The following CPNE8 variants were observed in gnomAD, a reference collection of about 807,000 sequenced individuals.
CPNE8 encodes copine 8.
In CPNE8, 45 loss-of-function variants were observed where a neutral mutation model predicts 81.5. The ratio of observed to expected loss-of-function variants is 0.55; its 90% CI spans 0.44 to 0.71. The LOEUF (loss-of-function observed/expected upper bound fraction) is 0.71. Among genes scored for constraint, CPNE8 ranks in the 30% least tolerant of loss-of-function variants. CPNE8 has a pLI of 0.00. For missense variants in CPNE8, 594 were observed against 672.1 expected (o/e 0.88, Z 1.28); for synonymous variants, 252 against 226.3 (o/e 1.11, Z -1.02).
chr12:38,787,146 A>G (rs991675420), intron 6 of CPNE8, among the ~76,000 whole-genome samples: 1 of 152,172 alleles, frequency 6.6e-6, no homozygotes, highest in Non-Finnish European at 1.5e-5. Context: ...CAACAGCTGC[A>G]GAATACACAT....
At chr12:38,906,111 T>A, upstream of CPNE8, 1 of 986,134 alleles carries the variant, frequency 1.0e-6, no homozygotes, top group Non-Finnish European at 1.2e-6. Context: ...TGCCCCGTTA[T>A]AAGGTCCCCC....
In CPNE8 at chr12:38,675,731, G is replaced by A; in HGVS notation, c.1418C>T (p.Pro473Leu). Reference sequence around the variant, plus strand: ...TTACTACTCACCATCAAATTCTGCTGGTCCAACACCTACTATAATTATTGA... The same window carrying A: ...TTACTACTCACCATCAAATTCTGCTAGTCCAACACCTACTATAATTATTGA... ...PMSIIIVGVG[P>L]AEFDAMVELD... Residue 473 changes from proline to leucine, a missense_variant, in exon 18 of 20, where the codon CCA (proline) becomes CTA (leucine). Coordinates refer to ENST00000331366, the MANE Select transcript of CPNE8 (RefSeq NM_153634.3). 1 of 1,602,156 alleles carries A rather than the reference G, an allele frequency of 6.2e-7. No homozygotes were observed. The highest frequency in any genetic ancestry group is 8.5e-7 in the Non-Finnish European group (1 of 1,169,590).
chr12:38,708,421 T>C lies in CPNE8; in HGVS notation c.915-5500A>G, dbSNP rs184903632. ...ATATAAGATTACTCCTGACAGAATA[T>C]TCATAAAACAATCACATTTAAATCC... On this transcript the variant is annotated intron_variant, in intron 13 of 19. Coordinates refer to ENST00000331366, the MANE Select transcript of CPNE8 (RefSeq NM_153634.3). 5.9e-5 allele frequency among the ~76,000 whole-genome samples: 9 copies of C among 152,214 alleles called. No individual in the cohort carries two copies. The East Asian group carries it at 1.7e-3, about 29-fold the overall frequency.
At chr12:38,702,431 T>G (rs1939969944) in intron 14 of CPNE8, among the ~76,000 whole-genome samples, 1 of 152,056 alleles carries the variant, frequency 6.6e-6, no homozygotes, top group African/African-American at 2.4e-5. Context: ...TGAACCAACT[T>G]TATAAAGGAC....
chr12:38,809,534 A>T (rs543613426), intron 6 of CPNE8, among the ~76,000 whole-genome samples: 3 of 152,292 alleles, frequency 2.0e-5, no homozygotes, highest in African/African-American at 7.2e-5. Flanking sequence ...CACATAACAC[A>T]ACATAACATA....
chr12:38,867,305 AGTGTGTGTGTGTGTGTGT>A (rs35874005), intron 3 of CPNE8, among the ~76,000 whole-genome samples: 1 of 133,142 alleles, frequency 7.5e-6, no homozygotes, highest in Admixed American at 7.6e-5. Context: ...TGAATAGTAT[AGTGTGTGTGTGTGTGTGT>A]GTGTGTGTGT....
rs1942647485 is a variant in CPNE8, at chr12:38,800,951, T to C, written c.408-24650A>G. 3.5e-5 allele frequency among the ~76,000 whole-genome samples: 5 copies of C among 144,334 alleles called. No homozygotes were observed. In the South Asian group the frequency reaches 1.1e-3, roughly 33 times the overall value. The allele number at this position is 144,334 out of a possible 152,430, so 94.7% of individuals were successfully genotyped here. A position where few individuals can be genotyped will look rare whatever the true frequency, so the allele number is the denominator to read the frequency against. On this transcript the variant is annotated intron_variant, in intron 6 of 19. Transcript: ENST00000331366. Reference sequence around the variant, plus strand: ...ATGAAATGAAGCAAGAAGGGAAGTTTAGAGAAAAAAGAATAAAAAGAAATG... The same window carrying C: ...ATGAAATGAAGCAAGAAGGGAAGTTCAGAGAAAAAAGAATAAAAAGAAATG...
intron 1 of CPNE8, among the ~76,000 whole-genome samples, chr12:38,892,211 A>G (rs1288143220): frequency 6.6e-6 from 1 of 152,204 alleles, no homozygotes; most frequent in Non-Finnish European, 1.5e-5. Context: ...CACCTAGTCC[A>G]CTTTGGCTGG....
intron 10 of CPNE8, among the ~76,000 whole-genome samples, chr12:38,746,192 A>T (rs899309254): frequency 1.6e-4 from 24 of 150,028 alleles, no homozygotes; most frequent in African/African-American, 4.3e-4. Flanking sequence ...CTTCAATATT[A>T]AAAAAAAACC....
At chr12:38,872,945 A>G (rs1369888703) in intron 3 of CPNE8, 59 bp downstream of exon 3, 7 of 945,796 alleles carry the variant, frequency 7.4e-6, no homozygotes, top group Non-Finnish European at 1.2e-5. Context: ...ATCTTGATCA[A>G]GTTATAACTT....
At chr12:38,848,753 A>G (rs1943596755) in intron 3 of CPNE8, 91 bp from the exon 4 acceptor site, 13 of 1,386,340 alleles carry the variant, frequency 9.4e-6, no homozygotes, top group Non-Finnish European at 9.4e-6. Context: ...CTTTTAAAAA[A>G]CAAGCAATAA....
At position 38,801,057 on chromosome 12, in the gene CPNE8, A is replaced by G. The variant is rs1393826209; in HGVS notation, c.408-24756T>C. On this transcript the variant is annotated intron_variant, in intron 6 of 19. Coordinates refer to ENST00000331366, the MANE Select transcript of CPNE8 (RefSeq NM_153634.3). ...TGGTGTACCTGAAAGTGATGGGGAG[A>G]ATGGAACCAAGTTGGAAAACACTCT... 1.2e-3 allele frequency among the ~76,000 whole-genome samples: 174 copies of G among 148,040 alleles called. 3 individuals carry two copies. The highest frequency in any genetic ancestry group is 4.3e-3 in the African/African-American group (172 of 39,984).
intron 7 of CPNE8, among the ~76,000 whole-genome samples, chr12:38,772,410 AT>A (rs1941822335): frequency 6.6e-6 from 1 of 152,162 alleles, no homozygotes; most frequent in Admixed American, 6.5e-5. Flanking sequence ...AAAACTAAAA[AT>A]AAATAAAAAT....
Position 38,777,040 on chromosome 12 carries a change from AC to A in CPNE8, c.408-740del, listed in dbSNP as rs1400327145. On this transcript the variant is annotated intron_variant, in intron 6 of 19. Coordinates refer to ENST00000331366, the MANE Select transcript of CPNE8 (RefSeq NM_153634.3). ...TTCTACACATACCAAAAAAAAAAAA[AC>A]AAAGCTAACTGTAAAAACAGCCTCA... 2.0e-5 allele frequency among the ~76,000 whole-genome samples: 3 copies of A among 151,910 alleles called. No individual in the cohort carries two copies. The East Asian group carries it at 5.8e-4, about 29-fold the overall frequency.
intron 3 of CPNE8, among the ~76,000 whole-genome samples, chr12:38,871,143 A>G (rs1379417438): frequency 6.6e-6 from 1 of 152,194 alleles, no homozygotes; most frequent in Non-Finnish European, 1.5e-5. Context: ...GGCTGCCCTT[A>G]AACTAACTGG....
At chr12:38,658,786 A>G (rs1217710644) in intron 19 of CPNE8, among the ~76,000 whole-genome samples, 5 of 152,212 alleles carry the variant, frequency 3.3e-5, no homozygotes, top group African/African-American at 4.8e-5. Context: ...AGAATTTCAT[A>G]TCCAGCCAAA....
At chr12:38,847,674 C>A (rs757439536) in intron 4 of CPNE8, among the ~76,000 whole-genome samples, 4 of 152,084 alleles carry the variant, frequency 2.6e-5, no homozygotes, top group Non-Finnish European at 5.9e-5. Context: ...TTTTACCATG[C>A]ATATTTTAGA....
chr12:38,789,495 T>C (rs770045038), intron 6 of CPNE8, among the ~76,000 whole-genome samples: 16 of 151,622 alleles, frequency 1.1e-4, no homozygotes, highest in Non-Finnish European at 1.6e-4. Context: ...TATGAAACTA[T>C]GAAAAAAGGA....
Position 38,784,262 on chromosome 12 carries a change from T to C in CPNE8, c.408-7961A>G, listed in dbSNP as rs767519862. Among the ~76,000 whole-genome samples the C allele has an allele frequency of 3.8e-4, 58 of 152,154 alleles. 1 individual carries two copies. The highest frequency in any genetic ancestry group is 2.2e-3 in the Admixed American group (34 of 15,278). ...AGTCTTTTAATGGCAGAGTTGATCA[T>C]GCAGAATAAAGAATTAGTGAGCTTG... is the stretch of plus-strand genomic sequence containing the variant. On this transcript the variant is annotated intron_variant, in intron 6 of 19. Transcript: ENST00000331366.
Sources: gnomAD v4.1 joint callset for allele counts (sites outside exome capture counted in the v4.1 genomes callset) on GRCh38, gnomAD v4.1.1 for gene constraint, MANE v1.5 for transcripts, NCBI Gene and HGNC (gene_info 2026-07-23, HGNC 2026-07-21) for gene names.